STAU2: variants seen among roughly 807,000 people sequenced by gnomAD.
STAU2 encodes double-stranded RNA-binding protein Staufen homolog 2.
In STAU2, 20 loss-of-function variants were observed where a neutral mutation model predicts 65.9. The ratio of observed to expected loss-of-function variants is 0.30; its 90% CI spans 0.21 to 0.44. STAU2 has a LOEUF of 0.44. STAU2 is among the 20% of genes least tolerant of loss of function. STAU2 has a pLI of 1.00. For missense variants in STAU2, 558 were observed against 683.9 expected, an observed-to-expected ratio of 0.82 and a Z score of 2.05; for synonymous variants, 232 against 233.9, an observed-to-expected ratio of 0.99 and a Z score of 0.07.
chr8:73,475,958 T>C (rs561864319), intron 13 of STAU2, among the ~76,000 whole-genome samples: 72 of 152,352 alleles, frequency 4.7e-4, no homozygotes, highest in Admixed American at 1.0e-3. Context: ...AAATGTTTAC[T>C]TCATTGTGAC....
chr8:73,662,465 C>T (rs756766954), intron 6 of STAU2, among the ~76,000 whole-genome samples: 9 of 152,032 alleles, frequency 5.9e-5, no homozygotes, highest in Non-Finnish European at 7.4e-5. Context: ...TTTTTGTGTT[C>T]TAAGAAATCT....
At chr8:73,673,703 A>G (rs1817844609) in intron 5 of STAU2, among the ~76,000 whole-genome samples, 1 of 152,152 alleles carries the variant, frequency 6.6e-6, no homozygotes. Context: ...TAATGAAAAA[A>G]GTTTTTTGAA....
chr8:73,458,637 T>G (rs1819194402), intron 13 of STAU2: 1 of 152,264 alleles, frequency 6.6e-6, no homozygotes, highest in Admixed American at 6.5e-5. Context: ...CAAAAAATGT[T>G]GGTTTATTCT....
intron 4 of STAU2, among the ~76,000 whole-genome samples, chr8:73,699,521 T>G (rs1449046690): frequency 6.6e-6 from 1 of 152,024 alleles, no homozygotes; most frequent in African/African-American, 2.4e-5. Context: ...CAAAGGATCG[T>G]TAGTGACTAC....
At chr8:73,678,312 C>T (rs769678552) in intron 5 of STAU2, among the ~76,000 whole-genome samples, 27 of 152,114 alleles carry the variant, frequency 1.8e-4, no homozygotes, top group Non-Finnish European at 3.5e-4. Context: ...CTAACTACAT[C>T]TCCAGTCTTA....
Position 73,509,880 on chromosome 8 carries a change from A to C in STAU2, c.1530+42132T>G, listed in dbSNP as rs1224479577. Reference sequence around the variant, plus strand: ...AGAGGAAATTTCTTTTTTGTATTTGAGTTGATAATTTGACCTGGAATTTTT... The same window carrying C: ...AGAGGAAATTTCTTTTTTGTATTTGCGTTGATAATTTGACCTGGAATTTTT... On this transcript the variant is annotated intron_variant, in intron 13 of 14. Coordinates refer to ENST00000524300, the MANE Select transcript of STAU2 (RefSeq NM_001164380.2). 2.0e-5 allele frequency among the ~76,000 whole-genome samples: 3 copies of C among 152,060 alleles called. No homozygotes were observed. The East Asian group carries it at 5.8e-4, about 29-fold the overall frequency.
intron 13 of STAU2, among the ~76,000 whole-genome samples, chr8:73,423,569 C>T (rs1424229780): frequency 3.9e-5 from 6 of 152,248 alleles, no homozygotes; most frequent in East Asian, 1.9e-4. Context: ...TGGGGCATCC[C>T]GCTGGGTCAC....
intron 13 of STAU2, among the ~76,000 whole-genome samples, chr8:73,479,472 G>GCACACACACAAACACACACACACACACA (rs6150656): frequency 8.6e-5 from 12 of 139,952 alleles, no homozygotes; most frequent in African/African-American, 3.0e-4. Context: ...TCCCTATTCT[G>GCACACACACAAACACACACACACACACA]CACACACACA....
At chr8:73,713,270 G>A (rs1362738922) in intron 3 of STAU2, among the ~76,000 whole-genome samples, 2 of 152,068 alleles carry the variant, frequency 1.3e-5, no homozygotes, top group African/African-American at 4.8e-5. Flanking sequence ...CCTGGACTCT[G>A]GAATTTGAAT....
chr8:73,726,521 A>G (rs960678319), intron 3 of STAU2, among the ~76,000 whole-genome samples: 10 of 152,104 alleles, frequency 6.6e-5, no homozygotes, highest in African/African-American at 2.2e-4. Context: ...AGGCCACTCG[A>G]TATTTCCCAC....
At chr8:73,734,987 T>G (rs1806330939) in intron 3 of STAU2, among the ~76,000 whole-genome samples, 1 of 152,056 alleles carries the variant, frequency 6.6e-6, no homozygotes. Flanking sequence ...CAGGCTGGAG[T>G]GCAGTGGTAT....
At chr8:73,520,960 C>T (rs780201254) in intron 13 of STAU2, among the ~76,000 whole-genome samples, 1 of 152,132 alleles carries the variant, frequency 6.6e-6, no homozygotes, top group Non-Finnish European at 1.5e-5. Flanking sequence ...CTGGCTGATA[C>T]ACTCCATTAG....
intron 13 of STAU2, among the ~76,000 whole-genome samples, chr8:73,499,880 T>C (rs1821639800): frequency 6.6e-6 from 1 of 151,824 alleles, no homozygotes; most frequent in Non-Finnish European, 1.5e-5. Context: ...GAGTATGGAA[T>C]AACTCTAATC....
chr8:73,448,876 C>A (rs946742480), intron 13 of STAU2, among the ~76,000 whole-genome samples: 4 of 152,264 alleles, frequency 2.6e-5, no homozygotes, highest in Non-Finnish European at 5.9e-5. Context: ...GCCGTGGGCG[C>A]TAGGGGCCAG....
intron 13 of STAU2, among the ~76,000 whole-genome samples, chr8:73,464,017 A>G (rs1819512541): frequency 6.6e-6 from 1 of 152,140 alleles, no homozygotes; most frequent in Non-Finnish European, 1.5e-5. Context: ...TCTTTAGTAC[A>G]CCTATTTTTT....
chr8:73,511,910 C>T (rs948798186), intron 13 of STAU2, among the ~76,000 whole-genome samples: 2 of 152,148 alleles, frequency 1.3e-5, no homozygotes, highest in African/African-American at 4.8e-5. Context: ...AGTCTATTAT[C>T]TATTTTGAGT....
At chr8:73,607,237 T>C (rs1376601500) in intron 9 of STAU2, among the ~76,000 whole-genome samples, 1 of 152,162 alleles carries the variant, frequency 6.6e-6, no homozygotes, top group African/African-American at 2.4e-5. Context: ...GAAATGGTCA[T>C]ACAAAACTAG....
Position 73,622,130 on chromosome 8 carries a change from T to TGTA in STAU2, c.411-4680_411-4679insTAC, listed in dbSNP as rs1381283813. ...CGCCACCATGCCCAGCTAATTTTTT[T>TGTA]TTTTTTTTTTTTTTTGAGACGGAGT... On this transcript the variant is annotated intron_variant, in intron 6 of 14. Coordinates refer to ENST00000524300, the MANE Select transcript of STAU2 (RefSeq NM_001164380.2). Among the ~76,000 whole-genome samples the TGTA allele has an allele frequency of 2.1e-3, 108 of 51,796 alleles. 12 individuals carry two copies. The highest frequency in any genetic ancestry group is 5.7e-3 in the East Asian group (7 of 1,228). The allele number at this position is 51,796 out of a possible 152,430, so 34.0% of individuals were successfully genotyped here.
chr8:73,527,688 T>C, intron 13 of STAU2: 1 of 1,536,126 alleles, frequency 6.5e-7, no homozygotes, highest in Non-Finnish European at 8.7e-7. Context: ...TGGCATATTA[T>C]ACCTGATCAT....
Sources: allele counts gnomAD v4.1 joint callset (sites outside exome capture counted in the v4.1 genomes callset), GRCh38; gene constraint gnomAD v4.1.1; transcripts MANE v1.5; gene names NCBI Gene and HGNC (gene_info 2026-07-23, HGNC 2026-07-21).